The following OR4F15 variants were observed in gnomAD, a reference collection of about 807,000 sequenced individuals.
OR4F15 encodes the protein olfactory receptor 4F15.
In OR4F15, 7 loss-of-function variants were observed where a neutral mutation model predicts 11.9. That is an observed-to-expected ratio of 0.59 (90% CI 0.33 to 1.10). OR4F15 has a LOEUF of 1.10. OR4F15 is among the 50% of genes least tolerant of loss of function. OR4F15 has a pLI of 0.03. For missense variants in OR4F15, 445 were observed against 377.5 expected (o/e 1.18, Z -1.48); for synonymous variants, 151 against 134.6 (o/e 1.12, Z -0.84).
intron 1 of OR4F15, among the ~76,000 whole-genome samples, chr15:101,813,567 G>C (rs1052079250): frequency 6.7e-6 from 1 of 149,228 alleles, no homozygotes; most frequent in Admixed American, 6.7e-5. Context: ...ATATATTTTT[G>C]AACCTTGAAA....
rs751353554 is a variant in OR4F15 at position 101,818,777 on chromosome 15, C to G, written c.591C>G (p.Phe197Leu). ...GTACCAACACCCAAGAACTGGAGTTCATGGTCACTGTCAATAGTGGACTCA... is the reference window on the plus strand; with the variant it reads ...GTACCAACACCCAAGAACTGGAGTTGATGGTCACTGTCAATAGTGGACTCA... The part of the protein sequence containing the change: ...LACTNTQELE[F>L]MVTVNSGLIS... Residue 197 changes from phenylalanine (F) to leucine (L), a missense_variant, in exon 2 of 2, where the codon TTC (phenylalanine) becomes TTG (leucine). By Grantham distance (22) the Phe-to-Leu change is conservative (BLOSUM62 0). Transcript: ENST00000332238. 4.3e-6 allele frequency: 7 copies of G among 1,614,088 alleles called. 1 individual carries two copies. The South Asian group carries it at 7.7e-5, about 18-fold the overall frequency.
rs1373794055 is a variant in OR4F15 at position 101,819,061 on chromosome 15, A to G, written c.875A>G (p.Lys292Arg). 4 of 1,613,856 alleles carry G rather than the reference A, an allele frequency of 2.5e-6. No individual in the cohort carries two copies. Among genetic ancestry groups the G allele is most frequent in the Non-Finnish European group, 3.4e-6 (4 of 1,179,954 alleles). The change falls in exon 2 of 2, where the codon AAA (lysine) becomes AGA (arginine). Residue 292 changes from lysine (K) to arginine (R), a missense_variant. Coordinates refer to ENST00000332238, the MANE Select transcript of OR4F15 (RefSeq NM_001001674.2). Reference sequence around the variant, plus strand: ...CCAGTTATCTACACATTCAGGAACAAAGACATGAAAGTGGCAATGAGGAGA... The same window carrying G: ...CCAGTTATCTACACATTCAGGAACAGAGACATGAAAGTGGCAATGAGGAGA... ...LNPVIYTFRN[K>R]DMKVAMRRLC...
intron 1 of OR4F15, among the ~76,000 whole-genome samples, chr15:101,815,105 G>T (rs1159476081): frequency 6.6e-6 from 1 of 152,040 alleles, no homozygotes; most frequent in East Asian, 1.9e-4. Flanking sequence ...TCAGTTTATA[G>T]TTCAGGTCAT....
chr15:101,815,500 G>T (rs994205826), intron 1 of OR4F15, among the ~76,000 whole-genome samples: 5 of 152,106 alleles, frequency 3.3e-5, no homozygotes, highest in African/African-American at 1.2e-4. Context: ...ATAGTGGTAA[G>T]AATTCAGATA....
intron 1 of OR4F15, among the ~76,000 whole-genome samples, chr15:101,817,152 T>C (rs1017052839): frequency 1.3e-5 from 2 of 152,178 alleles, no homozygotes; most frequent in Non-Finnish European, 2.9e-5. Context: ...ATTAGAAGCC[T>C]TTTATTGACT....
At chr15:101,817,067 C>T (rs901686631) in intron 1 of OR4F15, among the ~76,000 whole-genome samples, 6 of 152,082 alleles carry the variant, frequency 3.9e-5, no homozygotes, top group African/African-American at 1.4e-4. Flanking sequence ...TGTTTCAGCT[C>T]ATTACATATT....
intron 1 of OR4F15, among the ~76,000 whole-genome samples, chr15:101,814,642 A>C (rs919768401): frequency 6.6e-6 from 1 of 152,198 alleles, no homozygotes; most frequent in Non-Finnish European, 1.5e-5. Flanking sequence ...ACAATTTTCC[A>C]CTTAATGAAC....
At position 101,818,684 on chromosome 15, in the gene OR4F15, A is replaced by G; in HGVS notation, c.498A>G (p.Leu166=). The G allele has an allele frequency of 6.2e-7, 1 of 1,613,984 alleles. No individual in the cohort carries two copies. Among genetic ancestry groups the G allele is most frequent in the South Asian group, 1.1e-5 (1 of 91,048 alleles). ...TCCAATTAGTTTTTGTGGTAGATTT[A>G]CCTTTTTGTGGTCCTAATATCTTTG... is the stretch of plus-strand genomic sequence containing the variant. ...SLVQLVFVVD[L]PFCGPNIFDS... Residue 166 remains leucine (L), a synonymous_variant, in exon 2 of 2, where the codon TTA becomes TTG. Transcript: ENST00000332238.
At chr15:101,814,542 C>T (rs1902958226) in intron 1 of OR4F15, among the ~76,000 whole-genome samples, 1 of 152,080 alleles carries the variant, frequency 6.6e-6, no homozygotes. Context: ...GAAAGCAGCT[C>T]TAATGTTAAA....
Position 101,819,190 on chromosome 15 carries a change from G to T in OR4F15, c.*65G>T. The T allele has an allele frequency of 9.2e-7, 1 of 1,090,894 alleles. No individual in the cohort carries two copies. The allele number at this position is 1,090,894 out of a possible 1,614,324, so 67.6% of individuals were successfully genotyped here. On this transcript the variant is annotated 3_prime_UTR_variant, in exon 2 of 2. Transcript: ENST00000332238. ...TCATGCTGATTGCATAAAAGAAACT[G>T]CAATTTCAGAGAAATACTGAAGACT...
chr15:101,817,046 A>G (rs2141621108), intron 1 of OR4F15, among the ~76,000 whole-genome samples: 1 of 152,302 alleles, frequency 6.6e-6, no homozygotes, highest in South Asian at 2.1e-4. Context: ...TCTACATTAG[A>G]GGAGATTATT....
rs151034258 is a variant in OR4F15, at chr15:101,818,784, A to G, written c.598A>G (p.Thr200Ala). 8 of 1,614,022 alleles carry G rather than the reference A, an allele frequency of 5.0e-6. No individual in the cohort carries two copies. In the African/African-American group the frequency reaches 1.1e-4, roughly 22 times the overall value. Residue 200 changes from threonine (T) to alanine (A), a missense_variant, in exon 2 of 2, where the codon ACT becomes GCT. Thr to Ala is a moderately conservative substitution (Grantham distance 58). Coordinates refer to ENST00000332238, the MANE Select transcript of OR4F15 (RefSeq NM_001001674.2). Reference sequence around the variant, plus strand: ...CACCCAAGAACTGGAGTTCATGGTCACTGTCAATAGTGGACTCATTTCTGT... The same window carrying G: ...CACCCAAGAACTGGAGTTCATGGTCGCTGTCAATAGTGGACTCATTTCTGT... ...TNTQELEFMV[T>A]VNSGLISVGS...
Position 101,819,022 on chromosome 15 carries a change from C to T in OR4F15, c.836C>T (p.Thr279Ile). ...KYLAIFDAFI[T>I]PFLNPVIYTF... is the part of the protein sequence containing the mutation. ...CTTGCTATTTTTGATGCATTTATTA[C>T]TCCTTTTCTGAATCCAGTTATCTAC... Residue 279 changes from threonine (T) to isoleucine (I), a missense_variant, in exon 2 of 2, where the codon ACT (threonine) becomes ATT (isoleucine). Coordinates refer to ENST00000332238, the MANE Select transcript of OR4F15 (RefSeq NM_001001674.2). 5.0e-6 allele frequency: 8 copies of T among 1,613,772 alleles called. No individual in the cohort carries two copies. The highest frequency in any genetic ancestry group is 5.9e-6 in the Non-Finnish European group (7 of 1,179,834).
chr15:101,816,814 G>A (rs1902996577), intron 1 of OR4F15, among the ~76,000 whole-genome samples: 1 of 152,076 alleles, frequency 6.6e-6, no homozygotes, highest in Non-Finnish European at 1.5e-5. Context: ...ACCTCCCCAT[G>A]CTGGGACCTG....
In OR4F15 at chr15:101,819,854, C is replaced by T. The variant is rs1487306309; in HGVS notation, c.*729C>T. On this transcript the variant is annotated 3_prime_UTR_variant, in exon 2 of 2. Coordinates refer to ENST00000332238, the MANE Select transcript of OR4F15 (RefSeq NM_001001674.2). ...TCTCTTGATTTTAATTCTTTTTGTT[C>T]CTAAAGTGTTTGCTTTCTATTGCTC... is the stretch of plus-strand genomic sequence containing the variant. 1 of 152,142 alleles carries T rather than the reference C, an allele frequency of 6.6e-6. No individual in the cohort carries two copies. The highest frequency in any genetic ancestry group is 6.5e-5 in the Admixed American group (1 of 15,272). 9.4% of individuals were successfully genotyped at this position (152,142 alleles called of 1,614,324 possible). A position where few individuals can be genotyped will look rare whatever the true frequency, so the allele number is the denominator to read the frequency against.
At chr15:101,814,531 A>C (rs1462469578) in intron 1 of OR4F15, among the ~76,000 whole-genome samples, 1 of 152,188 alleles carries the variant, frequency 6.6e-6, no homozygotes, top group Non-Finnish European at 1.5e-5. Context: ...TTAACCTAAA[A>C]GAAAGCAGCT....
In OR4F15 at chr15:101,818,913, C is replaced by A; in HGVS notation, c.727C>A (p.His243Asn). 6.2e-7 allele frequency: 1 copy of A among 1,614,144 alleles called. No homozygotes were observed. Among genetic ancestry groups the A allele is most frequent in the Non-Finnish European group, 8.5e-7 (1 of 1,180,008 alleles). The change falls in exon 2 of 2, where the codon CAT becomes AAT. Residue 243 changes from histidine to asparagine, a missense_variant. Coordinates refer to ENST00000332238, the MANE Select transcript of OR4F15 (RefSeq NM_001001674.2). ...CAAGGCCCTCTCTACCCTGTCAGCT[C>A]ATGTCACTGTGGTCATCTTGTTCTT... The part of the protein sequence containing the change: ...LAKALSTLSA[H>N]VTVVILFFGP...
At chr15:101,813,077 G>A (rs78922882) in intron 1 of OR4F15, among the ~76,000 whole-genome samples, 6,212 of 152,250 alleles carry the variant, frequency 0.041, 443 homozygotes, top group African/African-American at 0.14. Context: ...CAACATCAAG[G>A]ATATTAAGCA....
rs1474769499 is a variant in OR4F15 at position 101,819,518 on chromosome 15, C to T, written c.*393C>T. 1 of 140,404 alleles carries T rather than the reference C, an allele frequency of 7.1e-6. No homozygotes were observed. Among genetic ancestry groups the T allele is most frequent in the Non-Finnish European group, 1.6e-5 (1 of 64,114 alleles). The allele number at this position is 140,404 out of a possible 1,614,324, so 8.7% of individuals were successfully genotyped here. A position where few individuals can be genotyped will look rare whatever the true frequency, so the allele number is the denominator to read the frequency against. On this transcript the variant is annotated 3_prime_UTR_variant, in exon 2 of 2. Coordinates refer to ENST00000332238, the MANE Select transcript of OR4F15 (RefSeq NM_001001674.2). ...ATTTATTTATTTAGTTAGTTAGTTA[C>T]TTATTTGAGTTGGAGTCTCGCTCTG...
Sources: allele counts gnomAD v4.1 joint callset (sites outside exome capture counted in the v4.1 genomes callset), GRCh38; gene constraint gnomAD v4.1.1; transcripts MANE v1.5; gene names NCBI Gene and HGNC (gene_info 2026-07-23, HGNC 2026-07-21).